The following FAM171A1 variants were observed in gnomAD, a reference collection of about 807,000 sequenced individuals.
The protein encoded by FAM171A1 is protein FAM171A1.
A neutral mutation model predicts 74.9 loss-of-function variants in FAM171A1; 23 were observed. The observed-to-expected ratio is 0.31, with a 90% CI of 0.22 to 0.44. The LOEUF is 0.44. Among genes scored for constraint, FAM171A1 ranks in the 20% least tolerant of loss-of-function variants. The probability of loss-of-function intolerance (pLI) is 1.00; values close to 1 mark genes in which losing one functional copy is unlikely to be tolerated. For missense variants in FAM171A1, 1,162 were observed against 1,159.2 expected (o/e 1.00, Z -0.03); for synonymous variants, 527 against 505.7 (o/e 1.04, Z -0.57).
intron 1 of FAM171A1, among the ~76,000 whole-genome samples, chr10:15,296,825 G>T (rs558942805): frequency 6.8e-6 from 1 of 147,710 alleles, no homozygotes; most frequent in Non-Finnish European, 1.5e-5. Context: ...CATTGGAGAC[G>T]CATGGAAGAG....
intron 1 of FAM171A1, among the ~76,000 whole-genome samples, chr10:15,333,954 C>T (rs1233357086): frequency 6.6e-6 from 1 of 152,164 alleles, no homozygotes; most frequent in Non-Finnish European, 1.5e-5. Context: ...GTCTCAATAT[C>T]AGCCTTCCTT....
intron 6 of FAM171A1, among the ~76,000 whole-genome samples, chr10:15,216,953 T>G (rs958092671): frequency 2.0e-5 from 3 of 152,152 alleles, no homozygotes; most frequent in Admixed American, 1.3e-4. Flanking sequence ...ACATTTCCTG[T>G]GACTTAAAAA....
rs569623538 is a variant in FAM171A1 at position 15,349,836 on chromosome 10, C to T, written c.97+21120G>A. Among the ~76,000 whole-genome samples the T allele has an allele frequency of 9.2e-5, 14 of 151,916 alleles. No individual in the cohort carries two copies. The East Asian group carries it at 1.5e-3, about 17-fold the overall frequency. On this transcript the variant is annotated intron_variant, in intron 1 of 7. Transcript: ENST00000378116. ...TTAACTGAAAAGGCAACAACAAGAA[C>T]GAGGAAAGAAAGTAAAAGAGATCAG...
Position 15,214,401 on chromosome 10 carries a change from C to A in FAM171A1, c.1187G>T (p.Gly396Val), listed in dbSNP as rs748262007. Residue 396 changes from glycine (G) to valine (V), a missense_variant, in exon 8 of 8, where the codon GGA becomes GTA. Coordinates refer to ENST00000378116, the MANE Select transcript of FAM171A1 (RefSeq NM_001010924.2). ...CGGAGACATCATTTCCAAATGGACT[C>A]CACTCATCAGTTCCTTCGTGCCGGG... ...EAPGTKELMSGVHLEMMSPGG... is the reference protein window; with the variant it reads ...EAPGTKELMSVVHLEMMSPGG... The A allele has an allele frequency of 1.1e-5, 17 of 1,614,000 alleles. No individual in the cohort carries two copies. In the East Asian group the frequency reaches 3.8e-4, roughly 36 times the overall value.
chr10:15,371,824 G>A (rs967096173), upstream of FAM171A1, among the ~76,000 whole-genome samples: 1 of 152,184 alleles, frequency 6.6e-6, no homozygotes, highest in African/African-American at 2.4e-5. Flanking sequence ...CATGACACGT[G>A]TGAAAGCACA....
Position 15,279,884 on chromosome 10 carries a change from ACT to A in FAM171A1, c.326-3939_326-3938del, listed in dbSNP as rs1172919776. On this transcript the variant is annotated intron_variant, in intron 2 of 7. Transcript: ENST00000378116. The stretch of plus-strand genomic sequence containing the variant: ...AGTGAACCGAGATTGCACCACTGAG[ACT>A]CTGTCTTGAAAAATAAAACAAAACA... 2.0e-5 allele frequency among the ~76,000 whole-genome samples: 3 copies of A among 151,428 alleles called. No homozygotes were observed. The South Asian group carries it at 6.3e-4, about 32-fold the overall frequency.
intron 1 of FAM171A1, among the ~76,000 whole-genome samples, chr10:15,369,043 A>T (rs186855373): frequency 2.0e-3 from 304 of 152,110 alleles, no homozygotes; most frequent in African/African-American, 7.1e-3. Flanking sequence ...TTGATCTCCC[A>T]CTCCAACCAT....
intron 1 of FAM171A1, among the ~76,000 whole-genome samples, chr10:15,289,996 G>A (rs1008051005): frequency 6.6e-6 from 1 of 152,174 alleles, no homozygotes; most frequent in African/African-American, 2.4e-5. Context: ...TTGGGAGGCC[G>A]AGGCGGGCGG....
upstream of FAM171A1, among the ~76,000 whole-genome samples, chr10:15,372,081 T>C (rs147627385): frequency 8.5e-5 from 13 of 152,130 alleles, no homozygotes; most frequent in East Asian, 2.5e-3. Flanking sequence ...GGGAAGCTGA[T>C]CAGATATCCA....
chr10:15,275,870 C>T lies in FAM171A1; in HGVS notation c.403G>A (p.Val135Ile). 6.2e-7 allele frequency: 1 copy of T among 1,608,488 alleles called. No individual in the cohort carries two copies. Among genetic ancestry groups the T allele is most frequent in the Non-Finnish European group, 8.5e-7 (1 of 1,176,684 alleles). ...LMVYEDVVQIVSGFQGARPQP... is the reference protein window; with the variant it reads ...LMVYEDVVQIISGFQGARPQP... Reference sequence around the variant, plus strand: ...TTAAATATACCTTGGAATCCTGATACTATTTGGACGACATCTTCATATACC... The same window carrying T: ...TTAAATATACCTTGGAATCCTGATATTATTTGGACGACATCTTCATATACC... Residue 135 changes from valine (V) to isoleucine (I), a missense_variant, in exon 3 of 8, where the codon GTA becomes ATA. Val to Ile is a conservative substitution (Grantham distance 29). Transcript: ENST00000378116.
intron 3 of FAM171A1, among the ~76,000 whole-genome samples, chr10:15,260,554 C>G (rs1030552440): frequency 1.3e-5 from 2 of 152,210 alleles, no homozygotes; most frequent in East Asian, 3.8e-4. Context: ...CCCATTTCCT[C>G]TTCCCATTAT....
chr10:15,254,667 T>C lies in FAM171A1; in HGVS notation c.577+54A>G, dbSNP rs1457523038. The C allele has an allele frequency of 6.3e-6, 10 of 1,579,594 alleles. No individual in the cohort carries two copies. In the East Asian group the frequency reaches 9.0e-5, roughly 14 times the overall value. The stretch of plus-strand genomic sequence containing the variant: ...CTCCCAATCATACCTAAAATCCACA[T>C]GTAAAGACTAAAACACAGTAACTCC... On this transcript the variant is annotated intron_variant, in intron 4 of 7. Transcript: ENST00000378116.
intron 3 of FAM171A1, among the ~76,000 whole-genome samples, chr10:15,268,175 T>C (rs1214476008): frequency 2.6e-5 from 4 of 152,160 alleles, no homozygotes; most frequent in Non-Finnish European, 5.9e-5. Flanking sequence ...GCCAGGGGAT[T>C]GTCCAGCCCT....
At chr10:15,270,861 C>A (rs1002448243) in intron 3 of FAM171A1, among the ~76,000 whole-genome samples, 13 of 152,244 alleles carry the variant, frequency 8.5e-5, no homozygotes, top group South Asian at 2.1e-4. Context: ...ACATCCACAC[C>A]AAAACCCCAT....
intron 1 of FAM171A1, among the ~76,000 whole-genome samples, chr10:15,343,056 A>G (rs528927184): frequency 1.3e-5 from 2 of 152,310 alleles, no homozygotes; most frequent in Admixed American, 1.3e-4. Flanking sequence ...TGAATACTAC[A>G]ATCACTGGAA....
At chr10:15,253,422 CT>C (rs1834535369) in intron 4 of FAM171A1, among the ~76,000 whole-genome samples, 1 of 152,138 alleles carries the variant, frequency 6.6e-6, no homozygotes, top group Non-Finnish European at 1.5e-5. Context: ...GCTATGCCAT[CT>C]TTCTGATGAC....
chr10:15,306,549 A>G (rs953258968), intron 1 of FAM171A1, among the ~76,000 whole-genome samples: 4 of 152,082 alleles, frequency 2.6e-5, no homozygotes, highest in Non-Finnish European at 5.9e-5. Context: ...TATTTTTAGT[A>G]TAGACGGGGT....
At chr10:15,259,177 C>T (rs2131774694) in intron 3 of FAM171A1, among the ~76,000 whole-genome samples, 1 of 152,332 alleles carries the variant, frequency 6.6e-6, no homozygotes, top group Non-Finnish European at 1.5e-5. Context: ...TCATCCTTGG[C>T]ATTCACTCAA....
At chr10:15,351,479 TG>T (rs1356382617) in intron 1 of FAM171A1, among the ~76,000 whole-genome samples, 5 of 152,192 alleles carry the variant, frequency 3.3e-5, no homozygotes, top group African/African-American at 1.2e-4. Flanking sequence ...AAATAGAGAA[TG>T]GATCTGAAAG....
Sources: allele counts gnomAD v4.1 joint callset (sites outside exome capture counted in the v4.1 genomes callset), GRCh38; gene constraint gnomAD v4.1.1; transcripts MANE v1.5; gene names NCBI Gene and HGNC (gene_info 2026-07-23, HGNC 2026-07-21).